OPHN1: variants seen among roughly 807,000 people sequenced by gnomAD.
OPHN1 encodes the protein oligophrenin-1.
OPHN1 carries 11 observed loss-of-function variants against 60.7 expected under a neutral mutation model. That is an observed-to-expected ratio of 0.18 (90% confidence interval 0.11 to 0.30). The LOEUF is 0.30. Among genes scored for constraint, OPHN1 ranks in the 10% least tolerant of loss-of-function variants. The pLI, the probability that OPHN1 is intolerant of heterozygous loss-of-function variation, is 1.00. For missense variants in OPHN1, 449 were observed against 611.0 expected (o/e 0.73, Z 2.80); for synonymous variants, 226 against 222.6 (o/e 1.02, Z -0.14).
intron 2 of OPHN1, among the ~76,000 whole-genome samples, chrX:68,404,310 C>G (rs1326869956): frequency 9.1e-6 from 1 of 109,859 alleles, no homozygotes; most frequent in Non-Finnish European, 1.9e-5. Context: ...CAGGTATGCA[C>G]CACCACACCC....
intron 3 of OPHN1, among the ~76,000 whole-genome samples, chrX:68,293,410 G>T (rs1233426601): frequency 8.9e-6 from 1 of 111,937 alleles, no homozygotes; most frequent in Admixed American, 9.5e-5. Flanking sequence ...ACCAGTAATG[G>T]GTGGCTGATG....
chrX:68,060,903 C>T (rs1306750003), intron 21 of OPHN1, among the ~76,000 whole-genome samples: 1 of 112,034 alleles, frequency 8.9e-6, no homozygotes, highest in African/African-American at 3.3e-5. Context: ...AGGGTCAGAG[C>T]TGTGTGTGGC....
chrX:68,110,986 G>T lies in OPHN1; in HGVS notation c.1526+868C>A, dbSNP rs1177796628. Among the ~76,000 whole-genome samples the T allele has an allele frequency of 1.1e-4, 12 of 111,957 alleles. No homozygotes were observed. The Admixed American group carries it at 1.1e-3, about 11-fold the overall frequency. On this transcript the variant is annotated intron_variant, in intron 18 of 24. Transcript: ENST00000355520. ...ACCTGGAAACTCACCTTCATTAAAG[G>T]CCTCAATTTTAGGTGTTTCAGAGCC...
At chrX:68,416,083 G>T (rs1465444925) in intron 2 of OPHN1, among the ~76,000 whole-genome samples, 54 of 21,065 alleles carry the variant, frequency 2.6e-3, no homozygotes, top group Non-Finnish European at 0.011. Context: ...GAGAGAGAGA[G>T]AGAGAGAGAG....
intron 17 of OPHN1, among the ~76,000 whole-genome samples, 186 bp from the exon 18 acceptor site, chrX:68,112,145 T>C (rs1196443817): frequency 1.3e-5 from 1 of 78,682 alleles, no homozygotes; most frequent in Non-Finnish European, 2.5e-5. Flanking sequence ...AGATAATCAA[T>C]GAGATGAAAA....
intron 2 of OPHN1, among the ~76,000 whole-genome samples, chrX:68,354,452 CAAAAA>C (rs1172935913): frequency 8.1e-5 from 2 of 24,843 alleles, no homozygotes; most frequent in East Asian, 1.2e-3. Flanking sequence ...GACTCCATCT[CAAAAA>C]AAAAAAAAAA....
At chrX:68,390,843 C>G (rs1468183909) in intron 2 of OPHN1, among the ~76,000 whole-genome samples, 1 of 111,904 alleles carries the variant, frequency 8.9e-6, no homozygotes, top group Non-Finnish European at 1.9e-5. Flanking sequence ...TTGCCTAATG[C>G]TACCGAAACA....
At position 68,193,910 on chromosome X, in the gene OPHN1, A is replaced by G; in HGVS notation, c.1181T>C (p.Ile394Thr). ...CTTACCTTTGGTCTCAATAATATTG[A>G]TGCACTTCCTGACAAACTTGAAGCC... is the stretch of plus-strand genomic sequence containing the variant. ...EVGFKFVRKC[I>T]NIIETKGIKT... Residue 394 changes from isoleucine to threonine, a missense_variant, in exon 14 of 25, where the codon ATC (isoleucine) becomes ACC (threonine). Physicochemically the swap from Ile to Thr is moderately conservative, Grantham distance 89. This residue lies in a region of OPHN1 where 166 missense variants were observed against 278.4 expected (regional missense o/e 0.60). Transcript: ENST00000355520. 1 of 1,207,958 alleles carries G rather than the reference A, an allele frequency of 8.3e-7. No homozygotes were observed. The highest frequency in any genetic ancestry group is 1.1e-6 in the Non-Finnish European group (1 of 892,221).
In OPHN1 at chrX:68,045,508, C is replaced by A. The variant is rs190961209; in HGVS notation, c.*1664G>T. On this transcript the variant is annotated 3_prime_UTR_variant, in exon 25 of 25. Coordinates refer to ENST00000355520, the MANE Select transcript of OPHN1 (RefSeq NM_002547.3). ...ACTATAATCAGTGCACTAACAGGGC[C>A]TTGGTAGAAGAGTGCAAGTAGGAAA... is the stretch of plus-strand genomic sequence containing the variant. The A allele has an allele frequency of 9.0e-6, 1 of 111,666 alleles. No individual in the cohort carries two copies. Among genetic ancestry groups the A allele is most frequent in the African/African-American group, 3.3e-5 (1 of 30,767 alleles). 9.2% of individuals were successfully genotyped at this position (111,666 alleles called of 1,213,427 possible). A position where few individuals can be genotyped will look rare whatever the true frequency, so the allele number is the denominator to read the frequency against.
intron 2 of OPHN1, among the ~76,000 whole-genome samples, chrX:68,353,213 A>G (rs2078422007): frequency 9.1e-6 from 1 of 109,338 alleles, no homozygotes; most frequent in East Asian, 2.9e-4. Flanking sequence ...GATTAAGTGC[A>G]GGTTCTTATA....
Position 68,193,980 on chromosome X carries a change from A to C in OPHN1, c.1139-28T>G, listed in dbSNP as rs571475081. ...GTTTCAAGCAAAGGAAAAGAGTTAG[A>C]TCCTGCTGCAACAGGTGTCACCTAT... On this transcript the variant is annotated intron_variant, in intron 13 of 24. Coordinates refer to ENST00000355520, the MANE Select transcript of OPHN1 (RefSeq NM_002547.3). 16 of 1,139,031 alleles carry C rather than the reference A, an allele frequency of 1.4e-5. 1 individual carries two copies. In the East Asian group the frequency reaches 1.5e-4, roughly 11 times the overall value. The allele number at this position is 1,139,031 out of a possible 1,213,427, so 93.9% of individuals were successfully genotyped here.
chrX:68,181,995 A>T (rs1872581207), intron 15 of OPHN1, among the ~76,000 whole-genome samples: 1 of 111,388 alleles, frequency 9.0e-6, no homozygotes, highest in African/African-American at 3.3e-5. Flanking sequence ...CAAGTATTTC[A>T]TCTCTGCAGA....
intron 5 of OPHN1, among the ~76,000 whole-genome samples, chrX:68,273,098 GCT>G (rs2077976961): frequency 9.0e-6 from 1 of 111,485 alleles, no homozygotes; most frequent in Admixed American, 9.6e-5. Flanking sequence ...CCACTAATTT[GCT>G]CTTTCTTCTC....
intron 5 of OPHN1, among the ~76,000 whole-genome samples, chrX:68,271,771 A>G (rs1033811332): frequency 3.6e-5 from 4 of 111,113 alleles, no homozygotes; most frequent in Non-Finnish European, 7.5e-5. Context: ...TGCAAGCTCA[A>G]TGTATGAGGG....
rs187202241 is a variant in OPHN1 at position 68,238,105 on chromosome X, C to T, written c.385-3517G>A. ...GACAGAAACAACCTTTGAGTTTTGC[C>T]TTTCACTTCTAGGCCCTTCATCCGC... On this transcript the variant is annotated intron_variant, in intron 5 of 24. Transcript: ENST00000355520. Among the ~76,000 whole-genome samples, 19 of 111,338 alleles carry T rather than the reference C, an allele frequency of 1.7e-4. No homozygotes were observed. In the Admixed American group the frequency reaches 1.8e-3, roughly 11 times the overall value.
intron 19 of OPHN1, among the ~76,000 whole-genome samples, 186 bp from the exon 20 acceptor site, chrX:68,073,485 A>G (rs1042790205): frequency 8.0e-5 from 9 of 112,089 alleles, no homozygotes; most frequent in African/African-American, 2.9e-4. Context: ...GGTATCTCCT[A>G]CTATGCTCAA....
chrX:68,205,979 AGTGTGTGTGT>A (rs1228949782), intron 10 of OPHN1, among the ~76,000 whole-genome samples: 1 of 91,221 alleles, frequency 1.1e-5, no homozygotes, highest in African/African-American at 4.5e-5. Flanking sequence ...AGTGTGTGTG[AGTGTGTGTGT>A]GTGTGTGTGT....
rs1218181740 is a variant in OPHN1 at position 68,314,453 on chromosome X, G to A, written c.155-15357C>T. 1.8e-5 allele frequency among the ~76,000 whole-genome samples: 2 copies of A among 110,416 alleles called. 1 individual carries two copies. Among genetic ancestry groups the A allele is most frequent in the Non-Finnish European group, 3.8e-5 (2 of 52,890 alleles). Reference sequence around the variant, plus strand: ...GAAGAATTGCTGGAAACCAGGAGGTGGAAGTTGCAGTGAGCCGAGATCGTG... The same window carrying A: ...GAAGAATTGCTGGAAACCAGGAGGTAGAAGTTGCAGTGAGCCGAGATCGTG... On this transcript the variant is annotated intron_variant, in intron 2 of 24. Transcript: ENST00000355520.
At chrX:68,105,130 T>C (rs184422825) in intron 18 of OPHN1, among the ~76,000 whole-genome samples, 1 of 110,762 alleles carries the variant, frequency 9.0e-6, no homozygotes, top group Non-Finnish European at 1.9e-5. Flanking sequence ...CCAGTTAGAA[T>C]GGCAGTCATT....
Sources: gnomAD v4.1 joint callset for allele counts (sites outside exome capture counted in the v4.1 genomes callset) on GRCh38, gnomAD v4.1.1 for gene constraint, gnomAD v4.1.1 regional missense constraint, MANE v1.5 for transcripts, NCBI Gene and HGNC (gene_info 2026-07-23, HGNC 2026-07-21) for gene names.